Variants in PCDH15 observed in about 807,000 individuals in gnomAD.
The protein encoded by PCDH15 is protocadherin related 15.
PCDH15 carries 129 observed loss-of-function variants against 178.5 expected under a neutral mutation model. The ratio of observed to expected loss-of-function variants is 0.72; its 90% confidence interval spans 0.63 to 0.84. The LOEUF (loss-of-function observed/expected upper bound fraction) is 0.84. Ranked by LOEUF, PCDH15 falls within the 40% of genes least tolerant of loss-of-function variation. The pLI is 0.00. For synonymous variants in PCDH15, 800 were observed against 732.0 expected (o/e 1.09, Z -1.50); for missense variants, 2,230 against 2,099.9 (o/e 1.06, Z -1.21).
At chr10:55,515,524 G>A (rs1840992326) in intron 2 of PCDH15, among the ~76,000 whole-genome samples, 1 of 151,638 alleles carries the variant, frequency 6.6e-6, no homozygotes, top group Admixed American at 6.6e-5. Context: ...ATTAAACTAT[G>A]CTATTTATAC....
At chr10:54,718,090 A>G (rs560116030) in intron 1 of PCDH15, among the ~76,000 whole-genome samples, 35 of 149,546 alleles carry the variant, frequency 2.3e-4, no homozygotes, top group Non-Finnish European at 4.3e-4. Flanking sequence ...GAGGGTGAAC[A>G]TCACACTCTG....
At chr10:55,244,771 A>C (rs2132216505) in intron 1 of PCDH15, among the ~76,000 whole-genome samples, 1 of 151,530 alleles carries the variant, frequency 6.6e-6, no homozygotes, top group East Asian at 1.9e-4. Context: ...TTAGAAAATT[A>C]TTTCCAGAAT....
chr10:54,399,306 T>C (rs1951643213), intron 3 of PCDH15, among the ~76,000 whole-genome samples: 1 of 151,504 alleles, frequency 6.6e-6, no homozygotes, highest in South Asian at 2.1e-4. Context: ...ATATAAATAA[T>C]ATAATGATTA....
intron 11 of PCDH15, among the ~76,000 whole-genome samples, chr10:54,189,717 T>G (rs528395008): frequency 1.3e-5 from 2 of 152,234 alleles, no homozygotes; most frequent in Admixed American, 1.3e-4. Context: ...TATTATTCTT[T>G]GTCATTTTTT....
At chr10:55,147,795 C>G (rs1157219926) in intron 2 of PCDH15, among the ~76,000 whole-genome samples, 2 of 146,024 alleles carry the variant, frequency 1.4e-5, no homozygotes, top group African/African-American at 5.0e-5. Context: ...TATATCTCCT[C>G]TTTCTTCTTA....
intron 2 of PCDH15, among the ~76,000 whole-genome samples, chr10:54,908,623 C>T (rs903994840): frequency 6.6e-6 from 1 of 152,194 alleles, no homozygotes. Context: ...TCTTGTCCTG[C>T]ATCCAGGAAG....
intron 2 of PCDH15, among the ~76,000 whole-genome samples, chr10:54,972,748 C>G (rs930435712): frequency 6.8e-5 from 10 of 148,010 alleles, no homozygotes; most frequent in African/African-American, 2.5e-4. Context: ...ACTTGGGAGG[C>G]TGAGGCAGGA....
At chr10:54,759,137 A>T (rs969982887) in intron 1 of PCDH15, among the ~76,000 whole-genome samples, 18 of 152,182 alleles carry the variant, frequency 1.2e-4, no homozygotes, top group Non-Finnish European at 1.9e-4. Context: ...ACTTAAAATT[A>T]TCAATTAGAT....
chr10:55,410,216 C>T (rs1485373369), intron 2 of PCDH15, among the ~76,000 whole-genome samples: 3 of 152,084 alleles, frequency 2.0e-5, no homozygotes, highest in Admixed American at 2.0e-4. Context: ...CTGTAACTCA[C>T]TTTTAGAAAT....
intron 2 of PCDH15, among the ~76,000 whole-genome samples, chr10:54,641,458 C>T (rs2093986125): frequency 6.6e-6 from 1 of 151,950 alleles, no homozygotes; most frequent in African/African-American, 2.4e-5. Context: ...AAATGTAGCC[C>T]CTTTAGGATG....
At position 54,312,912 on chromosome 10, in the gene PCDH15, T is replaced by C. The variant is rs186888092; in HGVS notation, c.876+4359A>G. Reference sequence around the variant, plus strand: ...GTGCCTAGGCTTACAAGTAAATATATCTATATTTTTGTACATGAAATAAAA... The same window carrying C: ...GTGCCTAGGCTTACAAGTAAATATACCTATATTTTTGTACATGAAATAAAA... On this transcript the variant is annotated intron_variant, in intron 8 of 37. Coordinates refer to ENST00000644397, the MANE Select transcript of PCDH15 (RefSeq NM_001384140.1). Among the ~76,000 whole-genome samples the C allele has an allele frequency of 1.8e-3, 277 of 152,132 alleles. 1 individual carries two copies. Among genetic ancestry groups the C allele is most frequent in the Middle Eastern group, 3.4e-3 (1 of 294 alleles).
chr10:55,045,900 G>GA (rs200586225), intron 2 of PCDH15, among the ~76,000 whole-genome samples: 1 of 151,310 alleles, frequency 6.6e-6, no homozygotes, highest in African/African-American at 2.4e-5. Flanking sequence ...TTTTCACTTG[G>GA]AAAAAAAAGG....
intron 25 of PCDH15, among the ~76,000 whole-genome samples, chr10:53,935,747 A>C (rs1564809191): frequency 6.6e-6 from 1 of 152,214 alleles, no homozygotes; most frequent in Non-Finnish European, 1.5e-5. Context: ...AATAAAAGGA[A>C]AGAATAAAGT....
intron 2 of PCDH15, among the ~76,000 whole-genome samples, chr10:54,930,401 C>T (rs1837743223): frequency 6.6e-6 from 1 of 152,092 alleles, no homozygotes; most frequent in Non-Finnish European, 1.5e-5. Flanking sequence ...TATTCTCTTC[C>T]CTCTTTCTTT....
chr10:54,997,684 C>A (rs1429760651), intron 2 of PCDH15, among the ~76,000 whole-genome samples: 1 of 151,994 alleles, frequency 6.6e-6, no homozygotes, highest in Non-Finnish European at 1.5e-5. Context: ...ATGTATTTAA[C>A]TTTAAGTTTG....
At chr10:54,398,791 T>G (rs1354216080) in intron 3 of PCDH15, among the ~76,000 whole-genome samples, 5 of 152,054 alleles carry the variant, frequency 3.3e-5, no homozygotes, top group Admixed American at 6.6e-5. Context: ...TCAATAGCCT[T>G]GCAGACAACC....
At chr10:54,727,548 A>T (rs934946382) in intron 1 of PCDH15, among the ~76,000 whole-genome samples, 19 of 151,528 alleles carry the variant, frequency 1.3e-4, no homozygotes, top group African/African-American at 4.6e-4. Flanking sequence ...GAATAACAAG[A>T]GCAAACCAAT....
chr10:55,096,704 A>G (rs1842456697), intron 2 of PCDH15, among the ~76,000 whole-genome samples: 1 of 152,056 alleles, frequency 6.6e-6, no homozygotes, highest in African/African-American at 2.4e-5. Context: ...TGACTTTTTT[A>G]GATTTCACAT....
intron 2 of PCDH15, among the ~76,000 whole-genome samples, chr10:55,515,279 G>A (rs978685309): frequency 8.6e-5 from 13 of 151,818 alleles, no homozygotes; most frequent in African/African-American, 1.7e-4. Flanking sequence ...GCGCGTGGCC[G>A]GGGCATTGTT....
Sources: allele counts gnomAD v4.1 joint callset (sites outside exome capture counted in the v4.1 genomes callset), GRCh38; gene constraint gnomAD v4.1.1; transcripts MANE v1.5; gene names NCBI Gene and HGNC (gene_info 2026-07-23, HGNC 2026-07-21).